The following MARCHF1 variants were observed in gnomAD, a reference collection of about 807,000 sequenced individuals.
MARCHF1 encodes the protein E3 ubiquitin-protein ligase MARCHF1.
Under a neutral mutation model 54.2 loss-of-function variants are expected in MARCHF1, and 40 were observed. That is an observed-to-expected ratio of 0.74 (90% CI 0.57 to 0.96). MARCHF1 has a LOEUF of 0.96. Among genes scored for constraint, MARCHF1 ranks in the 40% least tolerant of loss-of-function variants. MARCHF1 has a pLI of 0.00. For missense variants in MARCHF1, 586 were observed against 656.5 expected, an observed-to-expected ratio of 0.89 and a Z score of 1.17; for synonymous variants, 236 against 236.3, an observed-to-expected ratio of 1.00 and a Z score of 0.01.
At chr4:164,379,739 A>C in intron 1 of MARCHF1, among the ~76,000 whole-genome samples, 1 of 152,116 alleles carries the variant, frequency 6.6e-6, no homozygotes, top group East Asian at 1.9e-4. Flanking sequence ...TAATCTCAGC[A>C]CTTTGGGAGG....
At chr4:163,614,572 T>C (rs1018256340) in intron 5 of MARCHF1, among the ~76,000 whole-genome samples, 2 of 152,128 alleles carry the variant, frequency 1.3e-5, no homozygotes, top group African/African-American at 4.8e-5. Flanking sequence ...ATTGGAACTA[T>C]GTAATCATGA....
intron 4 of MARCHF1, among the ~76,000 whole-genome samples, chr4:163,827,131 A>G (rs1162057443): frequency 1.3e-5 from 2 of 151,908 alleles, no homozygotes; most frequent in Non-Finnish European, 2.9e-5. Flanking sequence ...TGTGTGTGAC[A>G]GGTAGCAATG....
At chr4:164,098,139 G>T (rs1383904995) in intron 2 of MARCHF1, among the ~76,000 whole-genome samples, 1 of 152,066 alleles carries the variant, frequency 6.6e-6, no homozygotes, top group African/African-American at 2.4e-5. Flanking sequence ...CTTACCACTT[G>T]CTCTTTCCCG....
intron 4 of MARCHF1, among the ~76,000 whole-genome samples, chr4:163,757,098 T>C (rs1746699491): frequency 6.6e-6 from 1 of 152,180 alleles, no homozygotes; most frequent in African/African-American, 2.4e-5. Context: ...TTTTCCTACA[T>C]CAAAATCTTT....
At chr4:163,726,385 T>C (rs1160470295) in intron 4 of MARCHF1, among the ~76,000 whole-genome samples, 1 of 152,234 alleles carries the variant, frequency 6.6e-6, no homozygotes, top group Non-Finnish European at 1.5e-5. Context: ...TCTTTTCAGA[T>C]TGACTTCTTT....
intron 4 of MARCHF1, among the ~76,000 whole-genome samples, chr4:163,719,421 A>C (rs976078246): frequency 6.6e-6 from 1 of 152,108 alleles, no homozygotes; most frequent in Non-Finnish European, 1.5e-5. Context: ...TTCTTAATCC[A>C]GTCTATCATT....
intron 4 of MARCHF1, among the ~76,000 whole-genome samples, chr4:163,774,173 T>G (rs922349857): frequency 6.6e-6 from 1 of 152,128 alleles, no homozygotes; most frequent in African/African-American, 2.4e-5. Context: ...ATTTAAATCA[T>G]CTCCAGATTA....
chr4:164,226,988 A>G (rs748107753), intron 1 of MARCHF1, among the ~76,000 whole-genome samples: 3 of 152,122 alleles, frequency 2.0e-5, no homozygotes, highest in Non-Finnish European at 4.4e-5. Context: ...GTGGTTTTTT[A>G]TTCCATTCCA....
chr4:163,980,209 G>A (rs1167759067), intron 3 of MARCHF1, among the ~76,000 whole-genome samples: 4 of 138,794 alleles, frequency 2.9e-5, no homozygotes, highest in African/African-American at 5.5e-5. Flanking sequence ...CAGAAATAAC[G>A]CCGCATACCT....
At chr4:164,242,948 A>G (rs1181759189) in intron 1 of MARCHF1, among the ~76,000 whole-genome samples, 2 of 140,300 alleles carry the variant, frequency 1.4e-5, no homozygotes, top group Non-Finnish European at 3.1e-5. Context: ...AAAAGAAATG[A>G]GCAAAGCCTC....
chr4:163,670,589 CTCTT>C (rs1319880449), intron 5 of MARCHF1, among the ~76,000 whole-genome samples: 2 of 144,670 alleles, frequency 1.4e-5, no homozygotes, highest in Non-Finnish European at 1.5e-5. Flanking sequence ...TTTCTTTTCT[CTCTT>C]TCTCTCTCTA....
intron 1 of MARCHF1, among the ~76,000 whole-genome samples, chr4:164,285,635 G>A (rs1320401014): frequency 2.0e-5 from 3 of 151,154 alleles, no homozygotes; most frequent in African/African-American, 4.9e-5. Context: ...GTAGAGACGG[G>A]GTTTCACCGT....
chr4:163,693,619 T>C (rs898675052), intron 5 of MARCHF1, among the ~76,000 whole-genome samples: 1 of 151,394 alleles, frequency 6.6e-6, no homozygotes, highest in African/African-American at 2.4e-5. Flanking sequence ...ATCAAGGCCA[T>C]ACTATTGCAG....
chr4:163,714,868 G>A (rs185484821), intron 4 of MARCHF1, among the ~76,000 whole-genome samples: 1 of 152,048 alleles, frequency 6.6e-6, no homozygotes, highest in East Asian at 1.9e-4. Context: ...TTTTTGTGGA[G>A]GCAAGGTTTT....
intron 4 of MARCHF1, among the ~76,000 whole-genome samples, chr4:163,713,348 G>C (rs560324210): frequency 1.3e-5 from 2 of 152,068 alleles, no homozygotes; most frequent in Non-Finnish European, 2.9e-5. Context: ...TAAAAAATTT[G>C]CCATAATGCC....
intron 1 of MARCHF1, among the ~76,000 whole-genome samples, chr4:164,178,770 T>C (rs115600992): frequency 0.089 from 13,473 of 152,214 alleles, 813 homozygotes; most frequent in Admixed American, 0.19. Context: ...AATACTGGTA[T>C]ATTTAACTAT....
chr4:164,130,760 C>A (rs1756283815), intron 1 of MARCHF1, among the ~76,000 whole-genome samples: 3 of 152,270 alleles, frequency 2.0e-5, no homozygotes, highest in Admixed American at 2.0e-4. Context: ...CCCAGCTCTG[C>A]TGGTTTTGGT....
chr4:164,139,492 C>CA (rs10604087), intron 1 of MARCHF1, among the ~76,000 whole-genome samples: 10,667 of 129,762 alleles, frequency 0.082, 452 homozygotes, highest in Middle Eastern at 0.18. Context: ...TATCTAAAGT[C>CA]AAAAAAAAAA....
At chr4:164,190,079 C>A in intron 1 of MARCHF1, 1 of 1,413,220 alleles carries the variant, frequency 7.1e-7, no homozygotes, top group Non-Finnish European at 1.0e-6. Flanking sequence ...AAAGCTATGG[C>A]TATTCTCTAA....
Sources: gnomAD v4.1 joint callset for allele counts (sites outside exome capture counted in the v4.1 genomes callset) on GRCh38, gnomAD v4.1.1 for gene constraint, MANE v1.5 for transcripts, NCBI Gene and HGNC (gene_info 2026-07-23, HGNC 2026-07-21) for gene names.